ABL2: variants seen among roughly 807,000 people sequenced by gnomAD.
ABL2 encodes the protein ABL proto-oncogene 2, non-receptor tyrosine kinase, also known as tyrosine-protein kinase ABL2.
Under a neutral mutation model 107.7 loss-of-function variants are expected in ABL2, and 49 were observed. The ratio of observed to expected loss-of-function variants is 0.45; its 90% CI spans 0.36 to 0.58. ABL2 has a LOEUF of 0.58. ABL2 is among the 20% of genes least tolerant of loss of function. The probability of loss-of-function intolerance (pLI) is 0.00; values close to 1 mark genes in which losing one functional copy is unlikely to be tolerated. For missense variants in ABL2, 1,245 were observed against 1,457.0 expected (o/e 0.85, Z 2.37); for synonymous variants, 549 against 548.6 (o/e 1.00, Z -0.01).
chr1:179,192,336 T>C (rs760782105), intron 1 of ABL2, among the ~76,000 whole-genome samples: 36 of 152,280 alleles, frequency 2.4e-4, no homozygotes, highest in Middle Eastern at 6.8e-3. Context: ...CCAAAAAATA[T>C]GATAAGAGAA....
intron 1 of ABL2, among the ~76,000 whole-genome samples, chr1:179,159,331 T>TA (rs910625364): frequency 6.6e-6 from 1 of 152,186 alleles, no homozygotes; most frequent in Non-Finnish European, 1.5e-5. Context: ...TAACACATAG[T>TA]AAAATAGTCA....
intron 1 of ABL2, among the ~76,000 whole-genome samples, chr1:179,136,324 A>T (rs1490616260): frequency 4.0e-5 from 6 of 151,438 alleles, no homozygotes; most frequent in Non-Finnish European, 8.9e-5. Flanking sequence ...TCTGTGTAGA[A>T]AGAGGTAGAC....
intron 4 of ABL2, among the ~76,000 whole-genome samples, chr1:179,124,924 G>T (rs942007265): frequency 6.6e-6 from 1 of 152,098 alleles, no homozygotes; most frequent in African/African-American, 2.4e-5. Context: ...TCTCAAAGTT[G>T]TCCAACCATC....
At chr1:179,133,706 A>G (rs1034444461) in intron 1 of ABL2, among the ~76,000 whole-genome samples, 4 of 152,076 alleles carry the variant, frequency 2.6e-5, no homozygotes, top group Admixed American at 6.6e-5. Flanking sequence ...ATGTTCCAAG[A>G]CCCCCAGTGG....
intron 1 of ABL2, among the ~76,000 whole-genome samples, chr1:179,212,307 G>T (rs1254087885): frequency 1.3e-5 from 2 of 152,188 alleles, no homozygotes; most frequent in Admixed American, 6.5e-5. Context: ...CCTACTTGCT[G>T]AATATATCAA....
At chr1:179,111,281 C>CT (rs748453531) in intron 10 of ABL2, among the ~76,000 whole-genome samples, 19,920 of 82,246 alleles carry the variant, frequency 0.24, 3,442 homozygotes, top group East Asian at 0.42. Flanking sequence ...AGTGCTCAGT[C>CT]TTTTTTTTTT....
intron 1 of ABL2, among the ~76,000 whole-genome samples, chr1:179,147,404 C>T (rs923220763): frequency 6.6e-6 from 1 of 152,142 alleles, no homozygotes; most frequent in Non-Finnish European, 1.5e-5. Context: ...CAAAAAGACA[C>T]TTGCACTCCA....
chr1:179,217,428 C>T (rs534474359), intron 1 of ABL2, among the ~76,000 whole-genome samples: 3 of 152,110 alleles, frequency 2.0e-5, no homozygotes, highest in Admixed American at 6.5e-5. Context: ...GAGTTCAAGA[C>T]TAGCCTGGCC....
rs1653179060 is a variant in ABL2 at position 179,102,472 on chromosome 1, G to C, written c.*5246C>G. ...AAAGGAAGTGAGCTACTACTGGCTT[G>C]ATACAAGCTAAGACAGAGACACAAA... On this transcript the variant is annotated 3_prime_UTR_variant, in exon 12 of 12. Coordinates refer to ENST00000502732, the MANE Select transcript of ABL2 (RefSeq NM_007314.4). The C allele has an allele frequency of 4.4e-6, 1 of 225,260 alleles. No homozygotes were observed. The highest frequency in any genetic ancestry group is 5.7e-5 in the Admixed American group (1 of 17,468). 14.0% of individuals were successfully genotyped at this position (225,260 alleles called of 1,614,324 possible).
intron 1 of ABL2, chr1:179,196,676 C>A (rs1661324875): frequency 6.6e-6 from 1 of 152,032 alleles, no homozygotes; most frequent in Admixed American, 6.6e-5. Context: ...AGGAGAATCG[C>A]TTGAACCCAG....
chr1:179,132,431 AT>A (rs1291139717), intron 2 of ABL2, among the ~76,000 whole-genome samples: 2 of 152,166 alleles, frequency 1.3e-5, no homozygotes, highest in East Asian at 3.8e-4. Context: ...TGATCAGACT[AT>A]TTTTAGTGCC....
chr1:179,211,359 A>AT (rs911591920), intron 1 of ABL2, among the ~76,000 whole-genome samples: 5 of 150,106 alleles, frequency 3.3e-5, no homozygotes, highest in Admixed American at 1.3e-4. Flanking sequence ...CCCTAAAAAA[A>AT]TTTTTTTTTT....
At chr1:179,134,138 T>C (rs1193957363) in intron 1 of ABL2, among the ~76,000 whole-genome samples, 2 of 152,246 alleles carry the variant, frequency 1.3e-5, no homozygotes, top group African/African-American at 2.4e-5. Flanking sequence ...CTACCAAAAG[T>C]TACATAGTAT....
rs1418543823 is a variant in ABL2, at chr1:179,102,063, G to A, written c.*5655C>T. The A allele has an allele frequency of 7.3e-6, 1 of 137,438 alleles. No individual in the cohort carries two copies. Among genetic ancestry groups the A allele is most frequent in the Middle Eastern group, 4.2e-3 (1 of 240 alleles). The allele number at this position is 137,438 out of a possible 1,614,324, so 8.5% of individuals were successfully genotyped here. On this transcript the variant is annotated 3_prime_UTR_variant, in exon 12 of 12. Coordinates refer to ENST00000502732, the MANE Select transcript of ABL2 (RefSeq NM_007314.4). ...GAGTCTCACTGTCACCCAGGCTGGA[G>A]TGCAGTGGCGCGATCTGGGCTCACT...
intron 4 of ABL2, among the ~76,000 whole-genome samples, chr1:179,123,912 T>C (rs999982410): frequency 1.3e-5 from 2 of 152,068 alleles, no homozygotes; most frequent in Non-Finnish European, 2.9e-5. Context: ...ATTACAGGCA[T>C]AGGCCACCAT....
chr1:179,201,822 A>T, intron 1 of ABL2: 1 of 1,140,944 alleles, frequency 8.8e-7, no homozygotes, highest in Non-Finnish European at 1.2e-6. Context: ...AGGTGTGGCT[A>T]TTAACATGGT....
chr1:179,183,929 C>A, intron 1 of ABL2: 1 of 257,912 alleles, frequency 3.9e-6, no homozygotes, highest in Non-Finnish European at 7.5e-6. Context: ...ACATCATCAG[C>A]CTCTCTAGAC....
At chr1:179,112,764 T>C (rs1452184588) in intron 9 of ABL2, among the ~76,000 whole-genome samples, 7 of 151,782 alleles carry the variant, frequency 4.6e-5, no homozygotes, top group Non-Finnish European at 4.4e-5. Flanking sequence ...TAATTTTTTT[T>C]TTTTTTTTGA....
rs1216802972 is a variant in ABL2, at chr1:179,106,360, G to C, written c.*1358C>G. The C allele has an allele frequency of 4.3e-6, 1 of 230,916 alleles. No homozygotes were observed. The highest frequency in any genetic ancestry group is 2.2e-5 in the African/African-American group (1 of 45,176). 14.3% of individuals were successfully genotyped at this position (230,916 alleles called of 1,614,324 possible). A position where few individuals can be genotyped will look rare whatever the true frequency, so the allele number is the denominator to read the frequency against. On this transcript the variant is annotated 3_prime_UTR_variant, in exon 12 of 12. Transcript: ENST00000502732. ...AAGGATTAAGTCATTAGGTTCCCAG[G>C]GTCTACCTGGTGCTCCCTGAAAATG...
Sources: gnomAD v4.1 joint callset for allele counts (sites outside exome capture counted in the v4.1 genomes callset) on GRCh38, gnomAD v4.1.1 for gene constraint, MANE v1.5 for transcripts, NCBI Gene and HGNC (gene_info 2026-07-23, HGNC 2026-07-21) for gene names.